The following ATRNL1 variants were observed in gnomAD, a reference collection of about 807,000 sequenced individuals.
The protein encoded by ATRNL1 is attractin-like protein 1.
A neutral mutation model predicts 182.7 loss-of-function variants in ATRNL1; 95 were observed. The ratio of observed to expected loss-of-function variants is 0.52; its 90% CI spans 0.44 to 0.62. The LOEUF (loss-of-function observed/expected upper bound fraction) is 0.62, where lower values mean the gene tolerates loss of function less well. Ranked by LOEUF, ATRNL1 falls within the 20% of genes least tolerant of loss-of-function variation. The probability of loss-of-function intolerance (pLI) is 0.00; values close to 1 mark genes in which losing one functional copy is unlikely to be tolerated. For synonymous variants in ATRNL1, 576 were observed against 568.3 expected (o/e 1.01, Z -0.19); for missense variants, 1,471 against 1,679.5 (o/e 0.88, Z 2.17).
intron 26 of ATRNL1, among the ~76,000 whole-genome samples, chr10:115,607,848 T>G (rs1856949062): frequency 6.6e-6 from 1 of 151,948 alleles, no homozygotes; most frequent in South Asian, 2.1e-4. Flanking sequence ...TCACAAAACT[T>G]CATGGTTCAT....
chr10:115,672,033 A>C (rs1289044487), intron 26 of ATRNL1, among the ~76,000 whole-genome samples: 1 of 152,156 alleles, frequency 6.6e-6, no homozygotes, highest in Non-Finnish European at 1.5e-5. Context: ...TTTTAATTGT[A>C]AATATTTTTG....
At chr10:115,463,596 T>C (rs1159516793) in intron 22 of ATRNL1, among the ~76,000 whole-genome samples, 13 of 152,116 alleles carry the variant, frequency 8.5e-5, no homozygotes, top group Admixed American at 6.6e-4. Context: ...GGTGCAATCA[T>C]CACCATCATC....
chr10:115,316,635 G>GT (rs1458121186), intron 18 of ATRNL1, among the ~76,000 whole-genome samples: 2 of 152,026 alleles, frequency 1.3e-5, no homozygotes, highest in Non-Finnish European at 2.9e-5. Context: ...TCTCATTGTG[G>GT]TTTTGATTTG....
At chr10:115,686,211 C>A (rs1394427246) in intron 26 of ATRNL1, among the ~76,000 whole-genome samples, 1 of 151,848 alleles carries the variant, frequency 6.6e-6, no homozygotes, top group Non-Finnish European at 1.5e-5. Context: ...ATTATTAATG[C>A]CACACTGTAA....
chr10:115,880,181 A>G (rs1555108205), intron 28 of ATRNL1, among the ~76,000 whole-genome samples: 1 of 152,208 alleles, frequency 6.6e-6, no homozygotes, highest in Non-Finnish European at 1.5e-5. Flanking sequence ...GGAGAAACAG[A>G]TGCAATCTGT....
intron 20 of ATRNL1, among the ~76,000 whole-genome samples, chr10:115,404,971 A>G (rs1844747765): frequency 6.6e-6 from 1 of 152,168 alleles, no homozygotes; most frequent in Admixed American, 6.5e-5. Flanking sequence ...ATGGTTCCCA[A>G]TACATGATAG....
chr10:115,164,075 G>T (rs556729372), intron 6 of ATRNL1, among the ~76,000 whole-genome samples: 3 of 152,216 alleles, frequency 2.0e-5, no homozygotes, highest in Admixed American at 1.3e-4. Flanking sequence ...CTTAAAACAG[G>T]CTCCTGTTTC....
intron 25 of ATRNL1, among the ~76,000 whole-genome samples, chr10:115,524,913 T>A (rs1851131786): frequency 1.3e-5 from 2 of 152,234 alleles, no homozygotes; most frequent in African/African-American, 4.8e-5. Context: ...TCATGTCTAA[T>A]GGTAGTCAAA....
chr10:115,122,368 A>G (rs1306366781), intron 3 of ATRNL1, among the ~76,000 whole-genome samples: 1 of 151,838 alleles, frequency 6.6e-6, no homozygotes, highest in Non-Finnish European at 1.5e-5. Context: ...CAATTTAAAA[A>G]TCTTTTCTTG....
chr10:115,480,908 A>G (rs1848733516), intron 24 of ATRNL1, among the ~76,000 whole-genome samples: 1 of 151,062 alleles, frequency 6.6e-6, no homozygotes, highest in African/African-American at 2.4e-5. Flanking sequence ...GAGATGGTAT[A>G]AATGTAAAAT....
intron 26 of ATRNL1, among the ~76,000 whole-genome samples, chr10:115,607,624 C>A (rs534044434): frequency 6.6e-6 from 1 of 151,918 alleles, no homozygotes; most frequent in South Asian, 2.1e-4. Flanking sequence ...AGATATTGAA[C>A]TTAAATCTAG....
intron 26 of ATRNL1, among the ~76,000 whole-genome samples, chr10:115,661,003 G>T (rs1477970279): frequency 6.6e-6 from 1 of 152,020 alleles, no homozygotes; most frequent in Non-Finnish European, 1.5e-5. Context: ...GGGAAGGTAG[G>T]ATAGGAACAA....
chr10:115,530,990 G>A (rs1391089233), intron 25 of ATRNL1, among the ~76,000 whole-genome samples: 5 of 152,024 alleles, frequency 3.3e-5, no homozygotes, highest in African/African-American at 1.2e-4. Flanking sequence ...GTATTCCATG[G>A]TGTATATGTG....
At chr10:115,940,698 T>TCTTCTC (rs782145153) in intron 28 of ATRNL1, among the ~76,000 whole-genome samples, 1 of 58,048 alleles carries the variant, frequency 1.7e-5, no homozygotes, top group Non-Finnish European at 3.3e-5. Flanking sequence ...TCTCTCTCTC[T>TCTTCTC]TCTCTCTCTC....
At chr10:115,474,394 A>G (rs1284205988) in intron 24 of ATRNL1, among the ~76,000 whole-genome samples, 2 of 151,284 alleles carry the variant, frequency 1.3e-5, no homozygotes, top group African/African-American at 2.4e-5. Flanking sequence ...TTGAGTTTTT[A>G]CGATTGGATT....
chr10:115,154,454 C>T (rs930386740), intron 5 of ATRNL1, among the ~76,000 whole-genome samples: 1 of 152,018 alleles, frequency 6.6e-6, no homozygotes, highest in Non-Finnish European at 1.5e-5. Flanking sequence ...GATCCCTTTA[C>T]CATTATGTAA....
At chr10:115,778,928 A>G (rs1032599000) in intron 27 of ATRNL1, among the ~76,000 whole-genome samples, 4 of 152,340 alleles carry the variant, frequency 2.6e-5, no homozygotes, top group African/African-American at 9.6e-5. Context: ...ATCAAGAGCA[A>G]CAGGACAGCA....
At chr10:115,927,878 A>T (rs2134583653) in intron 28 of ATRNL1, among the ~76,000 whole-genome samples, 1 of 152,208 alleles carries the variant, frequency 6.6e-6, no homozygotes. Context: ...AACCTTAGGG[A>T]CAGGAAGTAG....
chr10:115,629,389 C>A (rs782318063), intron 26 of ATRNL1, among the ~76,000 whole-genome samples: 3 of 152,000 alleles, frequency 2.0e-5, no homozygotes, highest in Non-Finnish European at 4.4e-5. Context: ...TATTCTACTC[C>A]AAGTAATTAG....
Sources: allele counts gnomAD v4.1 joint callset (sites outside exome capture counted in the v4.1 genomes callset), GRCh38; gene constraint gnomAD v4.1.1; transcripts MANE v1.5; gene names NCBI Gene and HGNC (gene_info 2026-07-23, HGNC 2026-07-21).